Variants in NT5DC1 observed in about 807,000 individuals in gnomAD.
NT5DC1 encodes 5'-nucleotidase domain containing 1.
Under a neutral mutation model 59.4 loss-of-function variants are expected in NT5DC1, and 42 were observed. That is an observed-to-expected ratio of 0.71 (90% CI 0.55 to 0.92). NT5DC1 has a LOEUF of 0.92. Ranked by LOEUF, NT5DC1 falls within the 40% of genes least tolerant of loss-of-function variation. The pLI, the probability that NT5DC1 is intolerant of heterozygous loss-of-function variation, is 0.00. For missense variants in NT5DC1, 501 were observed against 537.1 expected (o/e 0.93, Z 0.66); for synonymous variants, 172 against 188.1 (o/e 0.91, Z 0.70).
At chr6:116,121,294 C>G in intron 6 of NT5DC1, 1 of 1,614,018 alleles carries the variant, frequency 6.2e-7, no homozygotes, top group South Asian at 1.1e-5. Context: ...GAATCCCTGG[C>G]TGGCCTGGGG....
intron 1 of NT5DC1, among the ~76,000 whole-genome samples, chr6:116,101,922 G>A (rs960498366): frequency 4.6e-5 from 7 of 152,186 alleles, no homozygotes; most frequent in African/African-American, 1.7e-4. Flanking sequence ...AGACTGCCTA[G>A]CTTAGGACAC....
At chr6:116,187,847 A>C (rs1781035981) in intron 6 of NT5DC1, among the ~76,000 whole-genome samples, 1 of 152,112 alleles carries the variant, frequency 6.6e-6, no homozygotes, top group African/African-American at 2.4e-5. Flanking sequence ...TTGATTGTAA[A>C]GGAAAAGTGA....
chr6:116,109,125 A>G (rs933414014), intron 3 of NT5DC1, among the ~76,000 whole-genome samples: 1 of 152,192 alleles, frequency 6.6e-6, no homozygotes, highest in African/African-American at 2.4e-5. Context: ...CTCCAGTACT[A>G]ATAGTACAGG....
intron 6 of NT5DC1, among the ~76,000 whole-genome samples, chr6:116,220,096 C>CT (rs1450950364): frequency 7.2e-6 from 1 of 138,610 alleles, no homozygotes; most frequent in African/African-American, 2.7e-5. Context: ...ATTGCAGACT[C>CT]TATCATTCAG....
intron 6 of NT5DC1, among the ~76,000 whole-genome samples, chr6:116,210,316 T>C (rs1781549031): frequency 6.6e-6 from 1 of 151,924 alleles, no homozygotes; most frequent in South Asian, 2.1e-4. Flanking sequence ...CTCTCACTTA[T>C]TAAAATTCTG....
At position 116,133,262 on chromosome 6, in the gene NT5DC1, C is replaced by G. The variant is rs149350014; in HGVS notation, c.529+15317C>G. Among the ~76,000 whole-genome samples the G allele has an allele frequency of 3.0e-3, 459 of 152,296 alleles. 2 individuals are homozygous for G. Among genetic ancestry groups the G allele is most frequent in the African/African-American group, 0.01 (434 of 41,570 alleles). On this transcript the variant is annotated intron_variant, in intron 6 of 11. Transcript: ENST00000319550. Reference sequence around the variant, plus strand: ...GGATCTTGGCTACCCAATGGGTTCTCAACCATTCACACATGTTAGTTCCTA... The same window carrying G: ...GGATCTTGGCTACCCAATGGGTTCTGAACCATTCACACATGTTAGTTCCTA...
intron 6 of NT5DC1, among the ~76,000 whole-genome samples, chr6:116,165,062 G>A (rs550292337): frequency 7.6e-4 from 104 of 136,130 alleles, no homozygotes; most frequent in African/African-American, 2.7e-3. Flanking sequence ...GCACCACTGC[G>A]CTTCAGTCTA....
chr6:116,224,420 G>T (rs1442997083), intron 8 of NT5DC1, among the ~76,000 whole-genome samples: 1 of 152,138 alleles, frequency 6.6e-6, no homozygotes, highest in Non-Finnish European at 1.5e-5. Context: ...ATCAGCAAGT[G>T]CAAGGGATGC....
intron 6 of NT5DC1, among the ~76,000 whole-genome samples, chr6:116,146,809 AAGACAGATTATTCAATAAGT>A (rs1779909324): frequency 6.6e-6 from 1 of 151,980 alleles, no homozygotes; most frequent in Non-Finnish European, 1.5e-5. Context: ...AGATCAGTGG[AAGACAGATTATTCAATAAGT>A]GGTGTTTGGC....
chr6:116,236,280 C>T (rs1202114562), intron 8 of NT5DC1, among the ~76,000 whole-genome samples: 1 of 152,204 alleles, frequency 6.6e-6, no homozygotes, highest in African/African-American at 2.4e-5. Flanking sequence ...AATCATCATG[C>T]TGGTAGGCAG....
chr6:116,179,306 A>G (rs1454433592), intron 6 of NT5DC1, among the ~76,000 whole-genome samples: 1 of 152,174 alleles, frequency 6.6e-6, no homozygotes, highest in African/African-American at 2.4e-5. Flanking sequence ...GCATAATGGC[A>G]GGAGGATTTA....
At chr6:116,121,498 G>T in intron 6 of NT5DC1, 8 of 1,614,036 alleles carry the variant, frequency 5.0e-6, no homozygotes, top group Non-Finnish European at 6.8e-6. Flanking sequence ...GACCCTGAGG[G>T]CCTGGAAGAC....
chr6:116,132,292 C>T (rs938583946), intron 6 of NT5DC1, among the ~76,000 whole-genome samples: 1 of 152,076 alleles, frequency 6.6e-6, no homozygotes, highest in African/African-American at 2.4e-5. Context: ...AAATTGGAAT[C>T]TCAGTCTAGT....
At chr6:116,233,653 A>G (rs945788492) in intron 8 of NT5DC1, among the ~76,000 whole-genome samples, 4 of 152,184 alleles carry the variant, frequency 2.6e-5, no homozygotes, top group Non-Finnish European at 5.9e-5. Context: ...TAAGGAGGCA[A>G]AGTGCATTCT....
chr6:116,119,494 C>T (rs1170160079), intron 6 of NT5DC1: 1 of 152,912 alleles, frequency 6.5e-6, no homozygotes, highest in Non-Finnish European at 1.5e-5. Flanking sequence ...TATATATGCA[C>T]CTGTATATTT....
At chr6:116,193,826 T>G (rs1781171825) in intron 6 of NT5DC1, among the ~76,000 whole-genome samples, 1 of 151,984 alleles carries the variant, frequency 6.6e-6, no homozygotes, top group South Asian at 2.1e-4. Context: ...ATCCTAGCAC[T>G]TTGGGAGGCC....
chr6:116,210,983 G>A (rs973536864), intron 6 of NT5DC1, among the ~76,000 whole-genome samples: 26 of 151,994 alleles, frequency 1.7e-4, no homozygotes, highest in African/African-American at 6.3e-4. Context: ...CCTTGAAAAT[G>A]AGCTGGACCT....
At chr6:116,237,186 T>C (rs1022342684) in intron 9 of NT5DC1, 102 bp downstream of exon 9, 1 of 712,626 alleles carries the variant, frequency 1.4e-6, no homozygotes, top group Non-Finnish European at 2.5e-6. Flanking sequence ...AAATAAGCCT[T>C]TCCTTTGTCA....
intron 6 of NT5DC1, among the ~76,000 whole-genome samples, chr6:116,135,839 A>ATATATATG (rs1554194609): frequency 2.0e-5 from 1 of 49,738 alleles, no homozygotes; most frequent in Non-Finnish European, 3.4e-5. Flanking sequence ...TTTCAGATAT[A>ATATATATG]TATATATATA....
Sources: gnomAD v4.1 joint callset for allele counts (sites outside exome capture counted in the v4.1 genomes callset) on GRCh38, gnomAD v4.1.1 for gene constraint, MANE v1.5 for transcripts, NCBI Gene and HGNC (gene_info 2026-07-23, HGNC 2026-07-21) for gene names.